DPF3: variants seen among roughly 807,000 people sequenced by gnomAD.
The protein encoded by DPF3 is zinc finger protein DPF3.
In DPF3, 18 loss-of-function variants were observed where a neutral mutation model predicts 56.8. That is an observed-to-expected ratio of 0.32 (90% CI 0.22 to 0.47). The LOEUF is 0.47. DPF3 is among the 20% of genes least tolerant of loss of function. The pLI is 1.00. For missense variants in DPF3, 403 were observed against 488.8 expected (o/e 0.82, Z 1.65); for synonymous variants, 188 against 180.2 (o/e 1.04, Z -0.35).
intron 3 of DPF3, among the ~76,000 whole-genome samples, chr14:72,741,605 T>G (rs1438204100): frequency 2.0e-5 from 3 of 152,246 alleles, no homozygotes; most frequent in African/African-American, 7.2e-5. Flanking sequence ...GCAGAGATGA[T>G]GAGAGCTAAG....
At chr14:72,740,981 G>T (rs548785244) in intron 3 of DPF3, among the ~76,000 whole-genome samples, 1 of 152,058 alleles carries the variant, frequency 6.6e-6, no homozygotes, top group Non-Finnish European at 1.5e-5. Context: ...GCAGGAGGAG[G>T]ATCACGTGAA....
intron 8 of DPF3, among the ~76,000 whole-genome samples, chr14:72,630,204 G>A (rs962519378): frequency 4.6e-5 from 7 of 152,164 alleles, no homozygotes; most frequent in African/African-American, 1.7e-4. Flanking sequence ...CTATCAGAAG[G>A]ATTGTATGAG....
intron 6 of DPF3, among the ~76,000 whole-genome samples, chr14:72,701,274 G>T (rs1230334606): frequency 6.6e-6 from 1 of 152,210 alleles, no homozygotes; most frequent in Admixed American, 6.5e-5. Flanking sequence ...TGGCAAGCGT[G>T]CACCTGGATT....
At chr14:72,812,983 G>T (rs1052434104) in intron 1 of DPF3, among the ~76,000 whole-genome samples, 7 of 152,096 alleles carry the variant, frequency 4.6e-5, no homozygotes, top group Non-Finnish European at 7.4e-5. Context: ...GTCCCCTCTG[G>T]TTTCCCAGAC....
chr14:72,862,806 A>T (rs1051334444), intron 1 of DPF3, among the ~76,000 whole-genome samples: 1 of 152,050 alleles, frequency 6.6e-6, no homozygotes, highest in Admixed American at 6.5e-5. Context: ...TTACCTCCAT[A>T]AACTTCTCAC....
chr14:72,847,996 C>A (rs1884827706), intron 1 of DPF3, among the ~76,000 whole-genome samples: 1 of 152,188 alleles, frequency 6.6e-6, no homozygotes, highest in South Asian at 2.1e-4. Context: ...GATTTCACCT[C>A]CTGCTTCTCA....
chr14:72,648,047 T>C (rs547414097), intron 8 of DPF3, among the ~76,000 whole-genome samples: 1 of 152,316 alleles, frequency 6.6e-6, no homozygotes, highest in East Asian at 1.9e-4. Flanking sequence ...TTCCAGTTAA[T>C]ACCAACTCTT....
intron 1 of DPF3, among the ~76,000 whole-genome samples, chr14:72,794,226 A>C: frequency 6.6e-6 from 1 of 152,224 alleles, no homozygotes; most frequent in South Asian, 2.1e-4. Context: ...AGGTGACCTC[A>C]CTATGGGTGA....
At chr14:72,868,109 G>C (rs1052367209) in intron 1 of DPF3, among the ~76,000 whole-genome samples, 1 of 152,086 alleles carries the variant, frequency 6.6e-6, no homozygotes, top group African/African-American at 2.4e-5. Flanking sequence ...TGGATCTTTT[G>C]AGCCCTCAAA....
intron 6 of DPF3, among the ~76,000 whole-genome samples, chr14:72,696,641 C>A (rs775058983): frequency 1.8e-4 from 28 of 152,330 alleles, no homozygotes; most frequent in Non-Finnish European, 3.1e-4. Flanking sequence ...TAAGCTCAGA[C>A]TAATTGTTCT....
rs367613309 is a variant in DPF3 at position 72,749,048 on chromosome 14, A to G, written c.301+4216T>C. ...TGAGAAGAGGGCCACCATCTTCCAG[A>G]TCCCAGAATGGTAGATCCACTGACG... On this transcript the variant is annotated intron_variant, in intron 3 of 10. Transcript: ENST00000556509. 1.7e-3 allele frequency among the ~76,000 whole-genome samples: 259 copies of G among 152,318 alleles called. 8 individuals carry two copies. The South Asian group carries it at 0.051, about 30-fold the overall frequency.
chr14:72,757,980 G>C (rs1352012366), intron 2 of DPF3, among the ~76,000 whole-genome samples: 1 of 151,802 alleles, frequency 6.6e-6, no homozygotes, highest in African/African-American at 2.4e-5. Flanking sequence ...AAATTACCTA[G>C]AGAGAGAGCA....
At chr14:72,659,409 C>A (rs913034557) in intron 8 of DPF3, among the ~76,000 whole-genome samples, 1 of 152,182 alleles carries the variant, frequency 6.6e-6, no homozygotes, top group Non-Finnish European at 1.5e-5. Flanking sequence ...TCATTCTTGG[C>A]CTACAACCCA....
At chr14:72,886,255 C>T (rs1267968894) in intron 1 of DPF3, among the ~76,000 whole-genome samples, 1 of 152,126 alleles carries the variant, frequency 6.6e-6, no homozygotes, top group Non-Finnish European at 1.5e-5. Context: ...GCCTACAGTC[C>T]CAGCTACTCG....
At chr14:72,683,305 T>G (rs1599353994) in intron 7 of DPF3, among the ~76,000 whole-genome samples, 1 of 121,984 alleles carries the variant, frequency 8.2e-6, no homozygotes, top group Non-Finnish European at 1.6e-5. Context: ...CCAGCCTGGG[T>G]GACAGAACAA....
At chr14:72,686,533 A>G (rs1887419023) in intron 7 of DPF3, among the ~76,000 whole-genome samples, 1 of 152,248 alleles carries the variant, frequency 6.6e-6, no homozygotes, top group African/African-American at 2.4e-5. Context: ...CCAACTCCAC[A>G]GCCATTCCCT....
chr14:72,690,079 GAA>G (rs1263322518), intron 7 of DPF3, among the ~76,000 whole-genome samples: 2 of 152,138 alleles, frequency 1.3e-5, no homozygotes, highest in Non-Finnish European at 2.9e-5. Context: ...GTGAGAAAGA[GAA>G]AAAGGGGAGG....
intron 8 of DPF3, among the ~76,000 whole-genome samples, chr14:72,632,740 G>T (rs1266009489): frequency 1.5e-5 from 2 of 134,830 alleles, no homozygotes; most frequent in Admixed American, 7.4e-5. Context: ...AGAAGGGAAG[G>T]AGGGAAGGAT....
At chr14:72,683,228 G>A (rs1274770911) in intron 7 of DPF3, among the ~76,000 whole-genome samples, 1 of 150,960 alleles carries the variant, frequency 6.6e-6, no homozygotes, top group African/African-American at 2.4e-5. Context: ...TCAGGAGGCT[G>A]AGGCAAGAGA....
Sources: gnomAD v4.1 joint callset for allele counts (sites outside exome capture counted in the v4.1 genomes callset) on GRCh38, gnomAD v4.1.1 for gene constraint, MANE v1.5 for transcripts, NCBI Gene and HGNC (gene_info 2026-07-23, HGNC 2026-07-21) for gene names.